MAGED1: variants seen among roughly 807,000 people sequenced by gnomAD.
The protein encoded by MAGED1 is MAGE family member D1.
In MAGED1, 3 loss-of-function variants were observed where a neutral mutation model predicts 54.1. The observed-to-expected ratio is 0.06, with a 90% confidence interval of 0.03 to 0.14. The LOEUF (loss-of-function observed/expected upper bound fraction) is 0.14, where lower values mean the gene tolerates loss of function less well. Among genes scored for constraint, MAGED1 ranks in the 10% least tolerant of loss-of-function variants. The pLI is 1.00. For synonymous variants in MAGED1, 217 were observed against 227.3 expected (o/e 0.95, Z 0.41); for missense variants, 485 against 623.4 (o/e 0.78, Z 2.36).
At chrX:51,878,058 T>C (rs1311846553) in intron 1 of MAGED1, among the ~76,000 whole-genome samples, 3 of 111,609 alleles carry the variant, frequency 2.7e-5, no homozygotes, top group Non-Finnish European at 5.7e-5. Context: ...CATTCAGATA[T>C]GTCTTGAAAT....
chrX:51,807,445 C>T (rs1441704067), intron 1 of MAGED1, among the ~76,000 whole-genome samples: 8 of 110,667 alleles, frequency 7.2e-5, no homozygotes, highest in African/African-American at 9.9e-5. Flanking sequence ...AATATCATTC[C>T]GTTCATTATT....
At chrX:51,851,129 C>G (rs1351112983) in intron 1 of MAGED1, among the ~76,000 whole-genome samples, 10 of 111,686 alleles carry the variant, frequency 9.0e-5, no homozygotes, top group African/African-American at 3.3e-4. Flanking sequence ...AATCCTAGCT[C>G]TTTGTGGATG....
At chrX:51,840,280 A>G (rs1442692376) in intron 1 of MAGED1, among the ~76,000 whole-genome samples, 2 of 111,316 alleles carry the variant, frequency 1.8e-5, no homozygotes, top group Non-Finnish European at 3.8e-5. Flanking sequence ...GTGAATAAAT[A>G]TTTAAATTTC....
chrX:51,900,605 T>G (rs782078051), intron 11 of MAGED1, among the ~76,000 whole-genome samples: 1 of 111,651 alleles, frequency 9.0e-6, no homozygotes, highest in Admixed American at 9.5e-5. Context: ...CAATGTAATT[T>G]TTAAGTATTT....
chrX:51,814,749 A>T (rs1557355895), intron 1 of MAGED1, among the ~76,000 whole-genome samples: 4 of 110,417 alleles, frequency 3.6e-5, no homozygotes, highest in Non-Finnish European at 7.6e-5. Flanking sequence ...TCACGTATTT[A>T]TGGTGATGTT....
chrX:51,807,355 A>T (rs1230784498), intron 1 of MAGED1, among the ~76,000 whole-genome samples: 1 of 111,225 alleles, frequency 9.0e-6, no homozygotes, highest in Non-Finnish European at 1.9e-5. Flanking sequence ...GCTTTGTCAG[A>T]TATATGTATT....
intron 1 of MAGED1, among the ~76,000 whole-genome samples, chrX:51,874,562 C>T (rs1421590952): frequency 9.0e-6 from 1 of 111,344 alleles, no homozygotes; most frequent in Non-Finnish European, 1.9e-5. Flanking sequence ...TAATTAATAT[C>T]ATCTAGCATT....
chrX:51,868,522 A>T (rs1184866856), intron 1 of MAGED1, among the ~76,000 whole-genome samples: 1 of 111,464 alleles, frequency 9.0e-6, no homozygotes, highest in African/African-American at 3.3e-5. Flanking sequence ...TAAGGATGGT[A>T]TGAAATCACT....
In MAGED1 at chrX:51,897,204, C is replaced by A. The variant is rs1557364424; in HGVS notation, c.1423-4C>A. 8.3e-7 allele frequency: 1 copy of A among 1,209,685 alleles called. No homozygotes were observed. The highest frequency in any genetic ancestry group is 1.8e-5 in the South Asian group (1 of 56,848). On this transcript the variant is annotated splice_region_variant and splice_polypyrimidine_tract_variant and intron_variant, in intron 4 of 12. Transcript: ENST00000326587. ...AGTTTAATGATTTCCTTTTTCCCTCCCAGGCAAATAAGTTGGTCAAGTACT... is the reference window on the plus strand; with the variant it reads ...AGTTTAATGATTTCCTTTTTCCCTCACAGGCAAATAAGTTGGTCAAGTACT...
At chrX:51,885,913 G>A (rs1004689483) in intron 1 of MAGED1, among the ~76,000 whole-genome samples, 1 of 110,653 alleles carries the variant, frequency 9.0e-6, no homozygotes, top group Non-Finnish European at 1.9e-5. Context: ...AGAAAATATG[G>A]TATATATGCA....
chrX:51,820,252 AT>A (rs1925574735), intron 1 of MAGED1, among the ~76,000 whole-genome samples: 1 of 111,823 alleles, frequency 8.9e-6, no homozygotes, highest in Admixed American at 9.5e-5. Context: ...TGTTTTGACC[AT>A]TTTGAGTTAC....
At chrX:51,830,329 CT>C in intron 1 of MAGED1, among the ~76,000 whole-genome samples, 1 of 110,599 alleles carries the variant, frequency 9.0e-6, no homozygotes, top group East Asian at 2.8e-4. Context: ...TTGGTTGCCT[CT>C]GGGGAGAGGA....
intron 1 of MAGED1, among the ~76,000 whole-genome samples, chrX:51,843,387 G>C (rs1306562068): frequency 9.0e-6 from 1 of 111,694 alleles, no homozygotes; most frequent in African/African-American, 3.3e-5. Flanking sequence ...ATAAGATGGA[G>C]ACAGGGGAAT....
At chrX:51,870,637 A>G (rs1557361447) in intron 1 of MAGED1, 1 of 112,136 alleles carries the variant, frequency 8.9e-6, no homozygotes, top group Non-Finnish European at 1.9e-5. Context: ...TAGAAGGGTA[A>G]TACATTGGAT....
At chrX:51,841,100 T>G (rs1190697110) in intron 1 of MAGED1, among the ~76,000 whole-genome samples, 1,223 of 103,452 alleles carry the variant, frequency 0.012, 23 homozygotes, top group African/African-American at 0.04. Flanking sequence ...GCACCTGTTG[T>G]TTCCTGACTT....
intron 1 of MAGED1, among the ~76,000 whole-genome samples, chrX:51,871,844 C>T (rs1435843566): frequency 2.4e-4 from 27 of 111,729 alleles, no homozygotes; most frequent in Admixed American, 9.5e-4. Context: ...CCTGAGGAAT[C>T]GCCACACCGA....
intron 1 of MAGED1, among the ~76,000 whole-genome samples, chrX:51,860,861 T>A (rs1557360601): frequency 9.0e-6 from 1 of 110,630 alleles, no homozygotes; most frequent in East Asian, 2.8e-4. Flanking sequence ...GATACAGCAT[T>A]CTTGTTCTGC....
intron 1 of MAGED1, among the ~76,000 whole-genome samples, chrX:51,855,463 T>C (rs1927050325): frequency 9.0e-6 from 1 of 111,375 alleles, no homozygotes; most frequent in Non-Finnish European, 1.9e-5. Flanking sequence ...TTTTCCCAAT[T>C]CTGGAGGCTA....
chrX:51,841,120 C>A (rs200748688), intron 1 of MAGED1, among the ~76,000 whole-genome samples: 2 of 99,385 alleles, frequency 2.0e-5, no homozygotes, highest in African/African-American at 3.7e-5. Flanking sequence ...TTTTAATGAT[C>A]GCCATTCTAA....
Sources: allele counts gnomAD v4.1 joint callset (sites outside exome capture counted in the v4.1 genomes callset), GRCh38; gene constraint gnomAD v4.1.1; transcripts MANE v1.5; gene names NCBI Gene and HGNC (gene_info 2026-07-23, HGNC 2026-07-21).